The following COLEC12 variants were observed in gnomAD, a reference collection of about 807,000 sequenced individuals.
COLEC12 encodes collectin-12.
Under a neutral mutation model 71.1 loss-of-function variants are expected in COLEC12, and 33 were observed. The ratio of observed to expected loss-of-function variants is 0.46; its 90% CI spans 0.35 to 0.62. COLEC12 has a LOEUF of 0.62. Ranked by LOEUF, COLEC12 falls within the 20% of genes least tolerant of loss-of-function variation. The pLI, the probability that COLEC12 is intolerant of heterozygous loss-of-function variation, is 0.00. For synonymous variants in COLEC12, 350 were observed against 353.0 expected (o/e 0.99, Z 0.10); for missense variants, 765 against 916.1 (o/e 0.84, Z 2.13).
chr18:416,974 G>T (rs1915998981), intron 2 of COLEC12, among the ~76,000 whole-genome samples: 1 of 151,634 alleles, frequency 6.6e-6, no homozygotes, highest in East Asian at 1.9e-4. Context: ...AAGTATACCA[G>T]GTTTAAAGAA....
rs576102031 is a variant in COLEC12 at position 321,647 on chromosome 18, C to T, written c.2209+15G>A. On this transcript the variant is annotated intron_variant, in intron 9 of 9. Transcript: ENST00000400256. ...TAAGCTGGCAGCTCCCTCTTAAATCCCATCTACTGCTCACCTGTCTCCCTG... is the reference window on the plus strand; with the variant it reads ...TAAGCTGGCAGCTCCCTCTTAAATCTCATCTACTGCTCACCTGTCTCCCTG... The T allele has an allele frequency of 2.5e-6, 4 of 1,614,108 alleles. No homozygotes were observed. The South Asian group carries it at 4.4e-5, about 18-fold the overall frequency.
At chr18:460,540 T>C (rs1426004187) in intron 2 of COLEC12, among the ~76,000 whole-genome samples, 5 of 152,194 alleles carry the variant, frequency 3.3e-5, no homozygotes, top group Non-Finnish European at 7.3e-5. Flanking sequence ...GTCCAGACAT[T>C]TGAGATTAAA....
In COLEC12 at chr18:319,747, G is replaced by A; in HGVS notation, c.*298C>T. 4.9e-6 allele frequency: 2 copies of A among 406,352 alleles called. No homozygotes were observed. The highest frequency in any genetic ancestry group is 8.7e-6 in the Non-Finnish European group (2 of 228,810). The allele number at this position is 406,352 out of a possible 1,614,324, so 25.2% of individuals were successfully genotyped here. ...CAATGATAACCTTTTTCTGATTGGA[G>A]TGTTCCATACTTTGGAAGACATAAT... On this transcript the variant is annotated 3_prime_UTR_variant, in exon 10 of 10. Coordinates refer to ENST00000400256, the MANE Select transcript of COLEC12 (RefSeq NM_130386.3).
intron 2 of COLEC12, among the ~76,000 whole-genome samples, chr18:360,050 C>G (rs1194279202): frequency 1.3e-5 from 2 of 152,210 alleles, no homozygotes; most frequent in African/African-American, 4.8e-5. Flanking sequence ...GGAGGTGCAT[C>G]TGTCAATTTC....
chr18:500,540 C>T lies in COLEC12; in HGVS notation c.-26G>A. The T allele has an allele frequency of 4.9e-6, 6 of 1,222,982 alleles. No individual in the cohort carries two copies. Among genetic ancestry groups the T allele is most frequent in the South Asian group, 3.9e-5 (1 of 25,334 alleles). The allele number at this position is 1,222,982 out of a possible 1,614,324, so 75.8% of individuals were successfully genotyped here. On this transcript the variant is annotated 5_prime_UTR_variant, in exon 1 of 10. Coordinates refer to ENST00000400256, the MANE Select transcript of COLEC12 (RefSeq NM_130386.3). The surrounding 1 kb of genome is among the most constrained non-coding windows in gnomAD (Gnocchi z 5.3). ...GGTGACCGTGGGGACGCACCGCCGG[C>T]CGGGGAGCTCCGCGCGAGCGCCGCG...
At chr18:468,257 G>A (rs1007384203) in intron 2 of COLEC12, among the ~76,000 whole-genome samples, 47 of 90,256 alleles carry the variant, frequency 5.2e-4, no homozygotes, top group African/African-American at 1.6e-3. Context: ...GTGAGACTCC[G>A]TCTCAAAAAA....
chr18:416,757 G>A (rs558280653), intron 2 of COLEC12, among the ~76,000 whole-genome samples: 40 of 150,916 alleles, frequency 2.7e-4, no homozygotes, highest in Non-Finnish European at 5.2e-4. Flanking sequence ...TCAGGTCTCT[G>A]TACTTAAAGT....
intron 5 of COLEC12, among the ~76,000 whole-genome samples, chr18:344,198 ACTGTCCAGCCCCTC>A (rs1479206642): frequency 2.0e-5 from 3 of 152,194 alleles, no homozygotes; most frequent in African/African-American, 4.8e-5. Flanking sequence ...CTGACCTGCA[ACTGTCCAGCCCCTC>A]CAGAGCTGGG....
intron 3 of COLEC12, among the ~76,000 whole-genome samples, chr18:348,943 T>C (rs951989841): frequency 1.3e-5 from 2 of 152,196 alleles, no homozygotes; most frequent in African/African-American, 4.8e-5. Flanking sequence ...GGGAGGGACT[T>C]GGTGGGAGAT....
intron 2 of COLEC12, among the ~76,000 whole-genome samples, chr18:403,880 T>A (rs1002387331): frequency 6.6e-6 from 1 of 152,208 alleles, no homozygotes; most frequent in African/African-American, 2.4e-5. Context: ...CTCATACCTA[T>A]GGCACAAACA....
At chr18:331,966 C>T (rs1913993922) in intron 7 of COLEC12, among the ~76,000 whole-genome samples, 189 bp from the exon 8 acceptor site, 1 of 152,170 alleles carries the variant, frequency 6.6e-6, no homozygotes. Flanking sequence ...GGGGCTTTGA[C>T]TTTTTTCCTC....
chr18:369,132 C>T (rs761571512), intron 2 of COLEC12, among the ~76,000 whole-genome samples: 21 of 152,286 alleles, frequency 1.4e-4, no homozygotes, highest in African/African-American at 4.6e-4. Flanking sequence ...TAAACATTTG[C>T]CAGCATTCCA....
rs749091788 is a variant in COLEC12, at chr18:348,075, C to T, written c.270G>A (p.Leu90=). 29 of 1,611,156 alleles carry T rather than the reference C, an allele frequency of 1.8e-5. No homozygotes were observed. Among genetic ancestry groups the T allele is most frequent in the Middle Eastern group, 1.6e-4 (1 of 6,078 alleles). ...DDKLTAVESD[L]KKLGDQTGKK... ...CTTGTCACAGATTACCTAATTTTTTCAGGTCACTTTCCACTGCTGTGAGCT... is the reference window on the plus strand; with the variant it reads ...CTTGTCACAGATTACCTAATTTTTTTAGGTCACTTTCCACTGCTGTGAGCT... Residue 90 remains leucine, a synonymous_variant, in exon 4 of 10, where the codon CTG becomes CTA. Coordinates refer to ENST00000400256, the MANE Select transcript of COLEC12 (RefSeq NM_130386.3).
Position 335,072 on chromosome 18 carries a change from G to A in COLEC12, c.1486C>T (p.Arg496Cys), listed in dbSNP as rs781750520. The change falls in exon 6 of 10, where the codon CGT becomes TGT. Residue 496 changes from arginine to cysteine, a missense_variant. Transcript: ENST00000400256. The part of the protein sequence containing the change: ...PIGPAGPPGE[R>C]GGKGSKGSQG... ...GAGCCTTTAGATCCTTTGCCGCCAC[G>A]CTCTCCGGGGGGACCAGCTGGTCCA... The A allele has an allele frequency of 2.5e-5, 41 of 1,609,424 alleles. No individual in the cohort carries two copies. Among genetic ancestry groups the A allele is most frequent in the African/African-American group, 5.4e-5 (4 of 74,468 alleles).
At chr18:486,189 T>G (rs1917515387) in intron 1 of COLEC12, among the ~76,000 whole-genome samples, 1 of 152,176 alleles carries the variant, frequency 6.6e-6, no homozygotes. Flanking sequence ...TTCTTTCTCT[T>G]TTTCTTTTCT....
intron 2 of COLEC12, among the ~76,000 whole-genome samples, chr18:442,461 T>TA (rs1333601416): frequency 2.0e-5 from 3 of 152,198 alleles, no homozygotes; most frequent in Non-Finnish European, 4.4e-5. Context: ...AGCTCAGACT[T>TA]AGCCCCCTCA....
intron 1 of COLEC12, among the ~76,000 whole-genome samples, chr18:495,985 G>C (rs1252766098): frequency 6.6e-6 from 1 of 152,198 alleles, no homozygotes; most frequent in Non-Finnish European, 1.5e-5. Context: ...TTAAAGGGAA[G>C]TCTGTGTTAG....
At chr18:392,388 T>C (rs1278810267) in intron 2 of COLEC12, among the ~76,000 whole-genome samples, 2 of 152,220 alleles carry the variant, frequency 1.3e-5, no homozygotes, top group East Asian at 3.8e-4. Context: ...GATCAAGCCT[T>C]AGTTTTCCCA....
chr18:331,883 G>T, intron 7 of COLEC12, 106 bp from the exon 8 acceptor site: 1 of 711,714 alleles, frequency 1.4e-6, no homozygotes, highest in South Asian at 1.8e-5. Context: ...AAAAGAGGAT[G>T]GTTGTCAGAA....
Sources: gnomAD v4.1 joint callset for allele counts (sites outside exome capture counted in the v4.1 genomes callset) on GRCh38, gnomAD v4.1.1 for gene constraint, Gnocchi (gnomAD v3.1) non-coding constraint, MANE v1.5 for transcripts, NCBI Gene and HGNC (gene_info 2026-07-23, HGNC 2026-07-21) for gene names.